Variants in CSMD1 observed in about 807,000 individuals in gnomAD.
CSMD1 encodes CUB and sushi domain-containing protein 1.
A neutral mutation model predicts 417.5 loss-of-function variants in CSMD1; 213 were observed. The observed-to-expected ratio is 0.51, with a 90% CI of 0.46 to 0.57. CSMD1 has a LOEUF of 0.57. Ranked by LOEUF, CSMD1 falls within the 20% of genes least tolerant of loss-of-function variation. The pLI is 0.00. For missense variants in CSMD1, 6,923 were observed against 4,529.7 expected, an observed-to-expected ratio of 1.53 and a Z score of -15.17; for synonymous variants, 2,862 against 1,736.8, an observed-to-expected ratio of 1.65 and a Z score of -16.11.
chr8:3,586,391 C>G, intron 8 of CSMD1, 131 bp from the exon 9 acceptor site: 1 of 827,422 alleles, frequency 1.2e-6, no homozygotes, highest in Non-Finnish European at 1.8e-6. Context: ...TTAAGCAACT[C>G]ATTAGGTAGT....
rs181872051 is a variant in CSMD1 at position 4,175,553 on chromosome 8, C to T, written c.416-143454G>A. Among the ~76,000 whole-genome samples, 63 of 152,100 alleles carry T rather than the reference C, an allele frequency of 4.1e-4. 2 individuals carry two copies. Among genetic ancestry groups the T allele is most frequent in the African/African-American group, 1.3e-3 (53 of 41,462 alleles). Reference sequence around the variant, plus strand: ...TGGATAAATGTAGACATGATAAAACCAGCCCTTAGATTTTTTGAAAGGTAT... The same window carrying T: ...TGGATAAATGTAGACATGATAAAACTAGCCCTTAGATTTTTTGAAAGGTAT... On this transcript the variant is annotated intron_variant, in intron 3 of 69. Transcript: ENST00000635120.
At chr8:3,752,472 T>A (rs60481351) in intron 6 of CSMD1, among the ~76,000 whole-genome samples, 8,400 of 151,916 alleles carry the variant, frequency 0.055, 826 homozygotes, top group African/African-American at 0.19. Flanking sequence ...CTGGCCAACA[T>A]GGCGAAACCC....
At chr8:4,471,666 G>C (rs924379826) in intron 2 of CSMD1, among the ~76,000 whole-genome samples, 3 of 152,120 alleles carry the variant, frequency 2.0e-5, no homozygotes, top group South Asian at 2.1e-4. Context: ...GCTCACCCTG[G>C]TTGAGGAAGG....
rs560128635 is a variant in CSMD1 at position 3,835,183 on chromosome 8, A to G, written c.819-81141T>C. On this transcript the variant is annotated intron_variant, in intron 5 of 69. Coordinates refer to ENST00000635120, the MANE Select transcript of CSMD1 (RefSeq NM_033225.6). ...GGCGATTCCTCAGGGATCTAGAACT[A>G]GAAATACCATTTGACCCAGCCATCC... 2.2e-3 allele frequency among the ~76,000 whole-genome samples: 325 copies of G among 149,418 alleles called. 5 individuals are homozygous for G. The highest frequency in any genetic ancestry group is 7.9e-3 in the African/African-American group (314 of 39,860).
At chr8:3,950,219 C>T (rs1249574099) in intron 5 of CSMD1, among the ~76,000 whole-genome samples, 1 of 152,162 alleles carries the variant, frequency 6.6e-6, no homozygotes, top group Non-Finnish European at 1.5e-5. Context: ...TGAAGTTTCT[C>T]ATCATGCAGT....
intron 8 of CSMD1, among the ~76,000 whole-genome samples, chr8:3,589,665 G>T (rs193137651): frequency 1.4e-4 from 22 of 152,234 alleles, no homozygotes; most frequent in South Asian, 6.3e-4. Flanking sequence ...GGAGAAATAA[G>T]CTCAGGAGAT....
chr8:3,984,314 G>T (rs1285366678), intron 5 of CSMD1, among the ~76,000 whole-genome samples: 2 of 152,148 alleles, frequency 1.3e-5, no homozygotes, highest in Non-Finnish European at 2.9e-5. Flanking sequence ...AGTTTACTGA[G>T]CCAAATTTCG....
intron 2 of CSMD1, among the ~76,000 whole-genome samples, chr8:4,558,596 A>G (rs1366876962): frequency 1.3e-5 from 2 of 152,092 alleles, no homozygotes; most frequent in African/African-American, 2.4e-5. Flanking sequence ...GGCCAGACAC[A>G]TGGCTCACAC....
At chr8:3,389,392 T>C (rs1811211141) in intron 17 of CSMD1, among the ~76,000 whole-genome samples, 1 of 152,082 alleles carries the variant, frequency 6.6e-6, no homozygotes, top group African/African-American at 2.4e-5. Flanking sequence ...GCTGCATTAG[T>C]TTGCTAAGGA....
At chr8:4,967,884 G>C (rs573077523) in intron 1 of CSMD1, among the ~76,000 whole-genome samples, 10 of 152,166 alleles carry the variant, frequency 6.6e-5, no homozygotes, top group Non-Finnish European at 1.0e-4. Context: ...GACTCCTGCA[G>C]TACCATACCG....
chr8:3,301,230 T>A (rs893598351), intron 25 of CSMD1, among the ~76,000 whole-genome samples: 1 of 152,128 alleles, frequency 6.6e-6, no homozygotes, highest in African/African-American at 2.4e-5. Context: ...GTAGGAGCAG[T>A]GGGTGCAAGG....
intron 2 of CSMD1, among the ~76,000 whole-genome samples, chr8:4,573,533 G>C (rs7011217): frequency 4.6e-5 from 7 of 152,146 alleles, no homozygotes; most frequent in African/African-American, 1.7e-4. Flanking sequence ...GCCATCCGGA[G>C]CTCTCCTGTA....
At chr8:3,484,817 T>G (rs1817932987) in intron 11 of CSMD1, among the ~76,000 whole-genome samples, 1 of 152,168 alleles carries the variant, frequency 6.6e-6, no homozygotes, top group African/African-American at 2.4e-5. Context: ...AATAAGCATC[T>G]GACAAAATGT....
chr8:3,921,359 C>G (rs2627396), intron 5 of CSMD1, among the ~76,000 whole-genome samples: 135,924 of 152,004 alleles, frequency 0.89, 60,885 homozygotes, highest in East Asian at 0.97. Context: ...CAGTATTTTT[C>G]ATTTTTCTTT....
intron 3 of CSMD1, among the ~76,000 whole-genome samples, chr8:4,180,585 A>G (rs1340780315): frequency 6.6e-6 from 1 of 152,120 alleles, no homozygotes; most frequent in South Asian, 2.1e-4. Context: ...AATAATAATT[A>G]AAAAAAGAAA....
chr8:4,635,358 G>C (rs954752615), intron 2 of CSMD1, among the ~76,000 whole-genome samples: 2 of 152,050 alleles, frequency 1.3e-5, no homozygotes, highest in Non-Finnish European at 2.9e-5. Flanking sequence ...TAATATTGAA[G>C]ATGGTAAGAA....
chr8:3,079,166 T>A lies in CSMD1; in HGVS notation c.7474+7931A>T, dbSNP rs188346257. 1.2e-4 allele frequency among the ~76,000 whole-genome samples: 19 copies of A among 152,310 alleles called. 1 individual carries two copies. The highest frequency in any genetic ancestry group is 1.2e-3 in the Admixed American group (19 of 15,302). The stretch of plus-strand genomic sequence containing the variant: ...ATCCCCTAAGATTGTGTGAGGTAGA[T>A]TTAAGCAAGGGCAACTGGGATAAAC... On this transcript the variant is annotated intron_variant, in intron 49 of 69. Coordinates refer to ENST00000635120, the MANE Select transcript of CSMD1 (RefSeq NM_033225.6).
At chr8:4,018,961 T>C (rs1230008928) in intron 4 of CSMD1, among the ~76,000 whole-genome samples, 1 of 152,204 alleles carries the variant, frequency 6.6e-6, no homozygotes, top group African/African-American at 2.4e-5. Context: ...TTGTCTGACA[T>C]TTTGTGATTG....
At chr8:4,944,399 G>C (rs567932502) in intron 1 of CSMD1, among the ~76,000 whole-genome samples, 2 of 152,264 alleles carry the variant, frequency 1.3e-5, no homozygotes, top group East Asian at 1.9e-4. Flanking sequence ...TATTCAGATG[G>C]TTGTAGGAAT....
Sources: allele counts gnomAD v4.1 joint callset (sites outside exome capture counted in the v4.1 genomes callset), GRCh38; gene constraint gnomAD v4.1.1; transcripts MANE v1.5; gene names NCBI Gene and HGNC (gene_info 2026-07-23, HGNC 2026-07-21).